The following PSRC1 variants were observed in gnomAD, a reference collection of about 807,000 sequenced individuals.
The protein encoded by PSRC1 is proline/serine-rich coiled-coil protein 1.
Under a neutral mutation model 31.9 loss-of-function variants are expected in PSRC1, and 30 were observed. The ratio of observed to expected loss-of-function variants is 0.94; its 90% CI spans 0.70 to 1.28. The LOEUF (loss-of-function observed/expected upper bound fraction) is 1.28. PSRC1 is among the 50% of genes most tolerant of loss of function. PSRC1 has a pLI of 0.00. For synonymous variants in PSRC1, 191 were observed against 192.1 expected, an observed-to-expected ratio of 0.99 and a Z score of 0.05; for missense variants, 481 against 472.8, an observed-to-expected ratio of 1.02 and a Z score of -0.16.
chr1:109,282,018 T>G, exon 4 of PSRC1: 2 of 1,507,904 alleles, frequency 1.3e-6, no homozygotes, highest in Non-Finnish European at 1.8e-6. Context: ...GTCGAAGTGG[T>G]TTCTCTGGAG....
chr1:109,279,573 T>TA (rs1313942261), exon 7 of PSRC1: 1 of 152,836 alleles, frequency 6.5e-6, no homozygotes, highest in Non-Finnish European at 1.5e-5. Flanking sequence ...AATATAAAAA[T>TA]ACATTCACTT....
chr1:109,281,327 T>C, intron 4 of PSRC1, 76 bp from the exon 5 acceptor site: 1 of 1,296,826 alleles, frequency 7.7e-7, no homozygotes, highest in African/African-American at 1.5e-5. Flanking sequence ...AATTAAGAAA[T>C]AGAGGTGGAG....
chr1:109,280,282 C>T, intron 6 of PSRC1, 114 bp downstream of exon 7: 1 of 1,411,712 alleles, frequency 7.1e-7, no homozygotes, highest in South Asian at 1.2e-5. Flanking sequence ...CCCCAGGCTC[C>T]CCTCCTCTCT....
At chr1:109,283,042 G>C in intron 1 of PSRC1, 21 bp downstream of exon 1, 1 of 424,854 alleles carries the variant, frequency 2.4e-6, no homozygotes, top group South Asian at 3.3e-5. Flanking sequence ...CCACTCCCCT[G>C]GCATCACACG....
exon 4 of PSRC1, chr1:109,281,727 G>T (rs1480741774): frequency 6.2e-6 from 10 of 1,613,888 alleles, no homozygotes; most frequent in Admixed American, 3.3e-5. Flanking sequence ...GGGAGGGGGT[G>T]CTCCGCGTCA....
At chr1:109,281,176 C>T (rs199962633) in exon 5 of PSRC1, 16 of 1,613,536 alleles carry the variant, frequency 9.9e-6, no homozygotes, top group Non-Finnish European at 1.4e-5. Flanking sequence ...CTCCCCCGGA[C>T]TGGGGGAGTC....
At chr1:109,280,314 A>C in intron 6 of PSRC1, 82 bp downstream of exon 7, 1 of 1,432,610 alleles carries the variant, frequency 7.0e-7, no homozygotes, top group Non-Finnish European at 9.7e-7. Flanking sequence ...TACAAAATTC[A>C]GGGCTGATGT....
At chr1:109,281,392 T>TC in intron 4 of PSRC1, 141 bp from the exon 5 acceptor site, 1 of 747,464 alleles carries the variant, frequency 1.3e-6, no homozygotes, top group South Asian at 1.9e-5. Context: ...CATCACCACA[T>TC]CACCATCACC....
In PSRC1 at chr1:109,280,433, G is replaced by A. The variant is rs1223293696; in HGVS notation, c.1051C>T (p.Gln351Ter). 3 of 1,613,298 alleles carry A rather than the reference G, an allele frequency of 1.9e-6. No individual in the cohort carries two copies. The highest frequency in any genetic ancestry group is 1.7e-5 in the Admixed American group (1 of 59,938). The change falls in exon 6 of 7, where the codon CAG (glutamine) becomes TAG (stop). Residue 351 changes from glutamine (Q) to a stop codon, truncating the protein, a stop_gained. Coordinates refer to ENST00000409138, the Ensembl canonical transcript of PSRC1. LOFTEE classifies it high-confidence loss of function. ...GGGACTGCCACTTTCCTGGGGGGCT[G>A]CAGATTGCTGCGAGTGGCACCCATG...
chr1:109,282,051 C>A, exon 4 of PSRC1: 1 of 1,491,138 alleles, frequency 6.7e-7, no homozygotes. Context: ...TTATGTCTTC[C>A]TCCTCACGGC....
exon 6 of PSRC1, chr1:109,280,415 C>T (rs1656860634): frequency 6.2e-7 from 1 of 1,611,974 alleles, no homozygotes; most frequent in Admixed American, 1.7e-5. Context: ...CCTGGGACTG[C>T]CACTTTCCTG....
exon 4 of PSRC1, chr1:109,281,776 T>C (rs747365236): frequency 1.9e-6 from 3 of 1,613,948 alleles, no homozygotes; most frequent in Non-Finnish European, 2.5e-6. Context: ...GACAGGACTA[T>C]CCTTCAGCAC....
At chr1:109,280,207 C>T in intron 6 of PSRC1, 51 bp from the exon 8 acceptor site, 1 of 1,601,060 alleles carries the variant, frequency 6.2e-7, no homozygotes. Flanking sequence ...TTCCTCAAGC[C>T]CATTTGTCAC....
At chr1:109,282,060 G>A in exon 4 of PSRC1, 2 of 1,484,966 alleles carry the variant, frequency 1.3e-6, no homozygotes, top group Non-Finnish European at 1.8e-6. Flanking sequence ...CCTCCTCACG[G>A]CTGAGACAGG....
At chr1:109,280,590 C>G in intron 5 of PSRC1, 101 bp from the exon 7 acceptor site, 4 of 1,055,266 alleles carry the variant, frequency 3.8e-6, no homozygotes, top group South Asian at 3.1e-5. Flanking sequence ...AGTACTCTCC[C>G]CCTGACCATG....
Position 109,281,847 on chromosome 1 carries a change from C to T in PSRC1, c.291G>A (p.Glu97=), listed in dbSNP as rs767336333. 96 of 1,613,768 alleles carry T rather than the reference C, an allele frequency of 5.9e-5. 1 individual carries two copies. Among genetic ancestry groups the T allele is most frequent in the Non-Finnish European group, 6.8e-6 (8 of 1,180,016 alleles). ...GAGGCCCCAGGCCCTCGCCTGCGCT[C>T]TCCCGATCCTGCAGGGCACACTGCT... The change falls in exon 4 of 7, where the codon GAG becomes GAA. Residue 97 remains glutamate, a synonymous_variant. Coordinates refer to ENST00000409138, the Ensembl canonical transcript of PSRC1.
At chr1:109,281,295 A>C in intron 4 of PSRC1, 44 bp from the exon 5 acceptor site, 1 of 1,455,292 alleles carries the variant, frequency 6.9e-7, no homozygotes, top group South Asian at 1.3e-5. Context: ...AGTGGAAAAA[A>C]TATCTGTTCT....
At chr1:109,279,976 A>G (rs759856288) in exon 7 of PSRC1, 22 of 781,818 alleles carry the variant, frequency 2.8e-5, no homozygotes, top group Non-Finnish European at 4.7e-5. Context: ...CTCCAGCTCA[A>G]TCCTAATCCA....
chr1:109,282,702 C>A, exon 2 of PSRC1: 1 of 1,553,376 alleles, frequency 6.4e-7, no homozygotes, highest in South Asian at 1.2e-5. Context: ...CCTCCATGTC[C>A]AGCCAGCAGG....
Sources: gnomAD v4.1 joint callset for allele counts on GRCh38, gnomAD v4.1.1 for gene constraint, MANE v1.5 for transcripts, NCBI Gene and HGNC (gene_info 2026-07-23, HGNC 2026-07-21) for gene names.